The following DOCK8 variants were observed in gnomAD, a reference collection of about 807,000 sequenced individuals.
The protein encoded by DOCK8 is dedicator of cytokinesis protein 8.
DOCK8 carries 141 observed loss-of-function variants against 245.6 expected under a neutral mutation model. That is an observed-to-expected ratio of 0.57 (90% confidence interval 0.50 to 0.66). The LOEUF (loss-of-function observed/expected upper bound fraction) is 0.66. Ranked by LOEUF, DOCK8 falls within the 30% of genes least tolerant of loss-of-function variation. DOCK8 has a pLI of 0.00. For missense variants in DOCK8, 2,965 were observed against 2,603.4 expected, an observed-to-expected ratio of 1.14 and a Z score of -3.02; for synonymous variants, 1,168 against 970.2, an observed-to-expected ratio of 1.20 and a Z score of -3.79.
intron 28 of DOCK8, among the ~76,000 whole-genome samples, chr9:408,333 C>T (rs2055537509): frequency 6.6e-6 from 1 of 152,232 alleles, no homozygotes; most frequent in Non-Finnish European, 1.5e-5. Flanking sequence ...ATGTCTGCGT[C>T]TCCTGGCAGG....
intron 1 of DOCK8, among the ~76,000 whole-genome samples, chr9:228,253 A>C (rs1166293307): frequency 6.6e-6 from 1 of 152,190 alleles, no homozygotes; most frequent in African/African-American, 2.4e-5. Flanking sequence ...GATGTGTTTT[A>C]TTCCCAAAAA....
rs375895643 is a variant in DOCK8 at position 286,609 on chromosome 9, C to G, written c.305C>G (p.Thr102Ser). 6 of 1,613,940 alleles carry G rather than the reference C, an allele frequency of 3.7e-6. No individual in the cohort carries two copies. In the African/African-American group the frequency reaches 5.3e-5, roughly 14 times the overall value. Residue 102 changes from threonine (T) to serine (S), a missense_variant, in exon 3 of 48, where the codon ACT becomes AGT. Around this residue, in one of 3 missense-constraint regions of DOCK8, gnomAD observed 2,825 missense variants for 2,453.5 expected, o/e 1.15. Coordinates refer to ENST00000432829, the MANE Select transcript of DOCK8 (RefSeq NM_203447.4). ...DVVFTPKECR[T>S]LQPSLPEEGV... ...GTGTTCACGCCAAAGGAATGTAGGA[C>G]TTTGCAGCCCTCTTTGCCGGAGGAA... is the stretch of plus-strand genomic sequence containing the variant.
At chr9:307,329 GTTTTTTTTGTTTTTTTTTTTTTTTTTTT>G (rs1357129800) in intron 5 of DOCK8, among the ~76,000 whole-genome samples, 3 of 75,144 alleles carry the variant, frequency 4.0e-5, no homozygotes, top group African/African-American at 1.5e-4. Flanking sequence ...GTTGTGTGTG[GTTTTTTTTGTTTTTTTTTTTTTTTTTTT>G]TTTTTTTTTT....
At chr9:305,952 TTGTTTAA>T (rs1350017262) in intron 5 of DOCK8, among the ~76,000 whole-genome samples, 2 of 152,136 alleles carry the variant, frequency 1.3e-5, no homozygotes, top group African/African-American at 4.8e-5. Flanking sequence ...TAGGAAGTTA[TTGTTTAA>T]TGGGTAGAGT....
At chr9:298,065 AT>A (rs1246319714) in intron 4 of DOCK8, among the ~76,000 whole-genome samples, 3 of 152,252 alleles carry the variant, frequency 2.0e-5, no homozygotes, top group Non-Finnish European at 4.4e-5. Context: ...TTTGTGTACA[AT>A]AGCCAAAGAA....
At chr9:400,557 T>C (rs868624908) in intron 26 of DOCK8, among the ~76,000 whole-genome samples, 42 of 5,176 alleles carry the variant, frequency 8.1e-3, no homozygotes, top group Admixed American at 0.016. Context: ...ACCAGCATCT[T>C]CACCATCACC....
At chr9:287,759 A>G (rs1250976268) in intron 3 of DOCK8, among the ~76,000 whole-genome samples, 2 of 152,332 alleles carry the variant, frequency 1.3e-5, no homozygotes, top group East Asian at 3.9e-4. Flanking sequence ...TTCAGGTATG[A>G]CTTTAGTATA....
chr9:279,976 G>C (rs1029414674), intron 2 of DOCK8, among the ~76,000 whole-genome samples: 7 of 152,152 alleles, frequency 4.6e-5, no homozygotes, highest in African/African-American at 1.7e-4. Flanking sequence ...TGTGGTTTGA[G>C]TCAGCTATCT....
intron 24 of DOCK8, among the ~76,000 whole-genome samples, chr9:394,093 A>G (rs1298460202): frequency 6.6e-6 from 1 of 152,176 alleles, no homozygotes; most frequent in African/African-American, 2.4e-5. Flanking sequence ...GGATGAGGGC[A>G]GTGGAAGTGA....
At chr9:242,140 A>G (rs1428569889) in intron 1 of DOCK8, among the ~76,000 whole-genome samples, 1 of 152,210 alleles carries the variant, frequency 6.6e-6, no homozygotes, top group Non-Finnish European at 1.5e-5. Flanking sequence ...AGTTTCCTGA[A>G]GATGAAGTTA....
At chr9:215,337 G>A (rs1413505218) in intron 1 of DOCK8, 9 of 1,602,704 alleles carry the variant, frequency 5.6e-6, no homozygotes, top group Non-Finnish European at 6.8e-6. Flanking sequence ...AGGTGGCCGG[G>A]TCCCAGAAGG....
At chr9:388,573 CAG>C (rs1014329417) in intron 23 of DOCK8, among the ~76,000 whole-genome samples, 20 of 145,438 alleles carry the variant, frequency 1.4e-4, no homozygotes, top group African/African-American at 5.3e-4. Context: ...TTTTTTGAAA[CAG>C]AGTCTCACTT....
intron 12 of DOCK8, among the ~76,000 whole-genome samples, chr9:337,299 C>G (rs2051358721): frequency 6.6e-6 from 1 of 152,156 alleles, no homozygotes; most frequent in Admixed American, 6.5e-5. Context: ...ATGTGGCTAG[C>G]AGGAAGGTCA....
intron 14 of DOCK8, 84 bp from the exon 15 acceptor site, chr9:367,934 A>G (rs1448637055): frequency 1.7e-6 from 2 of 1,152,352 alleles, no homozygotes; most frequent in Non-Finnish European, 2.6e-6. Context: ...CACCCCATGA[A>G]TGGAAGTCTC....
chr9:382,369 A>G (rs1209097631), intron 21 of DOCK8, 144 bp from the exon 22 acceptor site: 6 of 1,151,560 alleles, frequency 5.2e-6, no homozygotes, highest in African/African-American at 3.0e-5. Flanking sequence ...TCCTACCCCA[A>G]CCAGGATTTG....
intron 14 of DOCK8, among the ~76,000 whole-genome samples, chr9:349,011 C>T (rs1157651357): frequency 6.6e-6 from 1 of 152,154 alleles, no homozygotes; most frequent in African/African-American, 2.4e-5. Flanking sequence ...ACAGGCTGCC[C>T]TTGGGCCCTC....
chr9:394,351 A>G (rs2054343707), intron 24 of DOCK8, among the ~76,000 whole-genome samples: 1 of 152,246 alleles, frequency 6.6e-6, no homozygotes, highest in African/African-American at 2.4e-5. Flanking sequence ...GACTCAGACA[A>G]GGTGCCCAAT....
intron 44 of DOCK8, among the ~76,000 whole-genome samples, chr9:447,293 A>G (rs897003412): frequency 6.6e-6 from 1 of 152,234 alleles, no homozygotes; most frequent in South Asian, 2.1e-4. Flanking sequence ...TTTAAAACAC[A>G]TATATATACA....
At chr9:281,970 G>A (rs1411412305) in intron 2 of DOCK8, among the ~76,000 whole-genome samples, 1 of 152,170 alleles carries the variant, frequency 6.6e-6, no homozygotes, top group Non-Finnish European at 1.5e-5. Context: ...CATTGCTGTT[G>A]GTGCTTACCA....
Sources: allele counts gnomAD v4.1 joint callset (sites outside exome capture counted in the v4.1 genomes callset), GRCh38; gene constraint gnomAD v4.1.1; regional missense constraint gnomAD v4.1.1; transcripts MANE v1.5; gene names NCBI Gene and HGNC (gene_info 2026-07-23, HGNC 2026-07-21).